The following VWC2L variants were observed in gnomAD, a reference collection of about 807,000 sequenced individuals.
The protein encoded by VWC2L is von Willebrand factor C domain-containing protein 2-like.
In VWC2L, 10 loss-of-function variants were observed where a neutral mutation model predicts 21.6. The observed-to-expected ratio is 0.46, with a 90% CI of 0.29 to 0.78. VWC2L has a LOEUF of 0.78. VWC2L is among the 30% of genes least tolerant of loss of function. The pLI is 0.10. For synonymous variants in VWC2L, 96 were observed against 94.3 expected, an observed-to-expected ratio of 1.02 and a Z score of -0.10; for missense variants, 209 against 277.1, an observed-to-expected ratio of 0.75 and a Z score of 1.74.
intron 2 of VWC2L, chr2:214,414,794 A>T: frequency 3.5e-6 from 2 of 578,406 alleles, no homozygotes; most frequent in Non-Finnish European, 5.8e-6. Context: ...AATAACCTTT[A>T]TTTTTTTTCC....
chr2:214,527,954 T>C (rs541922376), intron 3 of VWC2L, among the ~76,000 whole-genome samples: 16 of 152,334 alleles, frequency 1.1e-4, no homozygotes, highest in African/African-American at 3.8e-4. Context: ...AATTAGGTCA[T>C]TTCTATCATT....
At chr2:214,538,741 A>T (rs1385767696) in intron 3 of VWC2L, among the ~76,000 whole-genome samples, 2 of 151,898 alleles carry the variant, frequency 1.3e-5, no homozygotes. Flanking sequence ...CCTTCTCCCA[A>T]GTTCATTCAT....
chr2:214,449,987 G>A (rs1166925983), intron 3 of VWC2L, among the ~76,000 whole-genome samples: 1 of 152,100 alleles, frequency 6.6e-6, no homozygotes, highest in Non-Finnish European at 1.5e-5. Flanking sequence ...TTAGATAGTT[G>A]GCAGTGTTGC....
chr2:214,419,005 C>T (rs1299923095), intron 2 of VWC2L, among the ~76,000 whole-genome samples: 1 of 152,196 alleles, frequency 6.6e-6, no homozygotes, highest in East Asian at 1.9e-4. Flanking sequence ...TCATAGGTCA[C>T]ACTTCAATAT....
chr2:214,450,451 C>A (rs1468991461), intron 3 of VWC2L, among the ~76,000 whole-genome samples: 1 of 152,214 alleles, frequency 6.6e-6, no homozygotes, highest in African/African-American at 2.4e-5. Context: ...CCTTTCCCTT[C>A]TAAAATTTGC....
intron 3 of VWC2L, among the ~76,000 whole-genome samples, chr2:214,503,954 G>A (rs1464893760): frequency 6.8e-6 from 1 of 147,430 alleles, no homozygotes; most frequent in African/African-American, 2.5e-5. Context: ...TTATTCTGCA[G>A]GGAAGGAGCA....
intron 3 of VWC2L, among the ~76,000 whole-genome samples, chr2:214,436,985 G>A (rs1037803786): frequency 1.3e-5 from 2 of 152,214 alleles, no homozygotes. Flanking sequence ...AGCTGACTTC[G>A]TTGTGATCCC....
chr2:214,469,258 T>C (rs1434833941), intron 3 of VWC2L, among the ~76,000 whole-genome samples: 1 of 152,164 alleles, frequency 6.6e-6, no homozygotes, highest in Non-Finnish European at 1.5e-5. Flanking sequence ...CGATCTTATA[T>C]AAGAAGTTGG....
At chr2:214,572,469 A>G (rs1690163490) in intron 3 of VWC2L, among the ~76,000 whole-genome samples, 1 of 152,138 alleles carries the variant, frequency 6.6e-6, no homozygotes, top group African/African-American at 2.4e-5. Flanking sequence ...TTGCCATTGA[A>G]TTCACTCTTT....
chr2:214,553,451 T>A (rs908291671), intron 3 of VWC2L, among the ~76,000 whole-genome samples: 4 of 152,162 alleles, frequency 2.6e-5, no homozygotes, highest in African/African-American at 7.2e-5. Context: ...GGCTTCCCGG[T>A]CATAGGCAGA....
chr2:214,533,927 TC>T (rs965214200), intron 3 of VWC2L: 22 of 152,606 alleles, frequency 1.4e-4, no homozygotes, highest in African/African-American at 4.1e-4. Flanking sequence ...TAAACTGTTT[TC>T]CTTGAGTCAT....
chr2:214,469,891 T>C (rs1703278887), intron 3 of VWC2L, among the ~76,000 whole-genome samples: 1 of 152,212 alleles, frequency 6.6e-6, no homozygotes, highest in South Asian at 2.1e-4. Flanking sequence ...CTTTATGGCA[T>C]GGTTGTAAAG....
At chr2:214,561,809 T>TATATATATATATATATATACACAC (rs1489588765) in intron 3 of VWC2L, among the ~76,000 whole-genome samples, 1 of 127,228 alleles carries the variant, frequency 7.9e-6, no homozygotes, top group African/African-American at 3.5e-5. Flanking sequence ...TATATATATA[T>TATATATATATATATATATACACAC]ACACACACAT....
intron 3 of VWC2L, among the ~76,000 whole-genome samples, chr2:214,489,786 T>C (rs768262783): frequency 1.1e-4 from 16 of 152,228 alleles, no homozygotes; most frequent in Non-Finnish European, 4.4e-5. Flanking sequence ...TCAATTGGTG[T>C]TGCACTGTGG....
chr2:214,556,634 C>T (rs1269520504), intron 3 of VWC2L, among the ~76,000 whole-genome samples: 1 of 152,108 alleles, frequency 6.6e-6, no homozygotes, highest in East Asian at 1.9e-4. Context: ...TAACAGAGCT[C>T]GGTAATGTTA....
At chr2:214,497,033 T>G (rs542455921) in intron 3 of VWC2L, among the ~76,000 whole-genome samples, 5 of 152,314 alleles carry the variant, frequency 3.3e-5, no homozygotes, top group African/African-American at 9.6e-5. Flanking sequence ...TTCTGTTCCA[T>G]CGTTAAGGTG....
At chr2:214,484,252 T>C (rs529617388) in intron 3 of VWC2L, among the ~76,000 whole-genome samples, 66 of 152,306 alleles carry the variant, frequency 4.3e-4, no homozygotes, top group African/African-American at 1.5e-3. Flanking sequence ...AGGTGCTGAA[T>C]GGACAAATTT....
intron 3 of VWC2L, among the ~76,000 whole-genome samples, chr2:214,466,217 C>T (rs1703215375): frequency 6.6e-6 from 1 of 152,172 alleles, no homozygotes; most frequent in African/African-American, 2.4e-5. Context: ...CTACCTCTCT[C>T]AGTAAACCTT....
chr2:214,511,649 T>C (rs1366549621), intron 3 of VWC2L, among the ~76,000 whole-genome samples: 1 of 152,116 alleles, frequency 6.6e-6, no homozygotes, highest in African/African-American at 2.4e-5. Context: ...GAGAAATAAA[T>C]GTCTGTCGTT....
Sources: allele counts gnomAD v4.1 joint callset (sites outside exome capture counted in the v4.1 genomes callset), GRCh38; gene constraint gnomAD v4.1.1; transcripts MANE v1.5; gene names NCBI Gene and HGNC (gene_info 2026-07-23, HGNC 2026-07-21).